Variants in PNKD observed in about 807,000 individuals in gnomAD.
PNKD encodes the protein PNKD metallo-beta-lactamase domain containing.
PNKD carries 36 observed loss-of-function variants against 45.3 expected under a neutral mutation model. That is an observed-to-expected ratio of 0.80 (90% CI 0.61 to 1.05). PNKD has a LOEUF of 1.05. Ranked by LOEUF, PNKD falls within the 50% of genes least tolerant of loss-of-function variation. PNKD has a pLI of 0.00. For synonymous variants in PNKD, 197 were observed against 210.1 expected, an observed-to-expected ratio of 0.94 and a Z score of 0.54; for missense variants, 511 against 506.6, an observed-to-expected ratio of 1.01 and a Z score of -0.08.
At chr2:218,339,117 A>G (rs1694592197) in intron 2 of PNKD, among the ~76,000 whole-genome samples, 1 of 151,904 alleles carries the variant, frequency 6.6e-6, no homozygotes, top group Admixed American at 6.6e-5. Flanking sequence ...ATTAGGATGC[A>G]TGCTAAAGTC....
intron 2 of PNKD, among the ~76,000 whole-genome samples, chr2:218,283,849 A>G (rs1692261260): frequency 6.6e-6 from 1 of 152,120 alleles, no homozygotes; most frequent in South Asian, 2.1e-4. Flanking sequence ...CTGGGATAGA[A>G]CCAGGGCAAG....
intron 2 of PNKD, chr2:218,281,997 G>A (rs200679829): frequency 1.2e-6 from 2 of 1,607,424 alleles, no homozygotes; most frequent in African/African-American, 2.7e-5. Flanking sequence ...CCAGCAGGGT[G>A]ACCGTAGCCA....
chr2:218,278,488 T>C, intron 2 of PNKD: 1 of 1,612,286 alleles, frequency 6.2e-7, no homozygotes, highest in Non-Finnish European at 8.5e-7. Context: ...GTCACCCCTC[T>C]CACTGTGTTA....
At chr2:218,278,098 G>A (rs1016858794) in intron 2 of PNKD, 3 of 1,109,860 alleles carry the variant, frequency 2.7e-6, no homozygotes, top group African/African-American at 3.1e-5. Context: ...CAAGGAGGGA[G>A]GTTGGCATGG....
chr2:218,280,138 T>C (rs1239148934), intron 2 of PNKD: 5 of 1,595,850 alleles, frequency 3.1e-6, no homozygotes, highest in Non-Finnish European at 3.4e-6. Context: ...TAGGGACAGA[T>C]GACACTTGAC....
At chr2:218,323,243 C>A in intron 2 of PNKD, 2 of 1,465,628 alleles carry the variant, frequency 1.4e-6, no homozygotes, top group South Asian at 1.3e-5. Flanking sequence ...GAGCCCCGCC[C>A]GGCCGGCGCG....
At chr2:218,344,316 G>A (rs906586911) in intron 8 of PNKD, 139 bp from the exon 9 acceptor site, 5 of 699,374 alleles carry the variant, frequency 7.1e-6, no homozygotes, top group African/African-American at 3.5e-5. Flanking sequence ...GCTCCTGGCA[G>A]TTGGGGTTTT....
At chr2:218,314,222 CTTTTT>C (rs386392656) in intron 2 of PNKD, among the ~76,000 whole-genome samples, 3 of 67,718 alleles carry the variant, frequency 4.4e-5, no homozygotes, top group African/African-American at 2.0e-4. Flanking sequence ...CGCGCCCTGG[CTTTTT>C]TTTTTTTTTT....
rs1690793466 is a variant in PNKD at position 218,270,644 on chromosome 2, C to T, written c.67+42C>T. On this transcript the variant is annotated intron_variant, in intron 1 of 9. Transcript: ENST00000273077. ...CGGGGAGGGCAGGACTGCAGAAGAT[C>T]CCTTTTCTTTCACGTCCAGCCCGAC... is the stretch of plus-strand genomic sequence containing the variant. 1.2e-5 allele frequency: 7 copies of T among 592,434 alleles called. No homozygotes were observed. In the Admixed American group the frequency reaches 2.9e-4, roughly 25 times the overall value. The allele number at this position is 592,434 out of a possible 1,614,324, so 36.7% of individuals were successfully genotyped here. A position where few individuals can be genotyped will look rare whatever the true frequency, so the allele number is the denominator to read the frequency against.
At chr2:218,333,107 C>T (rs1186811374) in intron 2 of PNKD, among the ~76,000 whole-genome samples, 1 of 152,210 alleles carries the variant, frequency 6.6e-6, no homozygotes, top group Non-Finnish European at 1.5e-5. Flanking sequence ...CTCTTTTCCA[C>T]CCCCAGCCAT....
chr2:218,340,594 C>A lies in PNKD; in HGVS notation c.466-134C>A. The stretch of plus-strand genomic sequence containing the variant: ...ACATTCCTGGATCTCTCCCCTCCAG[C>A]TCCATCCCTTTCCTCTGCTTCATCT... On this transcript the variant is annotated intron_variant, in intron 4 of 9. Transcript: ENST00000273077. The surrounding 1 kb of genome is among the most constrained non-coding windows in gnomAD (Gnocchi z 4.2). The A allele has an allele frequency of 1.3e-6, 1 of 748,526 alleles. No homozygotes were observed. The highest frequency in any genetic ancestry group is 2.4e-6 in the Non-Finnish European group (1 of 411,600). 46.4% of individuals were successfully genotyped at this position (748,526 alleles called of 1,614,324 possible).
In PNKD at chr2:218,323,477, G is replaced by T. The variant is rs1449674697; in HGVS notation, c.237-16306G>T. On this transcript the variant is annotated intron_variant, in intron 2 of 9. Coordinates refer to ENST00000273077, the MANE Select transcript of PNKD (RefSeq NM_015488.5). ...GCGTGCGGGCTCGGGAGGCGGGCGC[G>T]CTGGGAGAGGGGACTGGGAGGCGGG... 2.7e-6 allele frequency: 4 copies of T among 1,471,622 alleles called. No homozygotes were observed. In the African/African-American group the frequency reaches 4.4e-5, roughly 16 times the overall value. The allele number at this position is 1,471,622 out of a possible 1,614,324, so 91.2% of individuals were successfully genotyped here. A position where few individuals can be genotyped will look rare whatever the true frequency, so the allele number is the denominator to read the frequency against.
chr2:218,325,662 T>A, intron 2 of PNKD, among the ~76,000 whole-genome samples: 1 of 152,180 alleles, frequency 6.6e-6, no homozygotes, highest in East Asian at 1.9e-4. Flanking sequence ...AAATAGAAGT[T>A]TCCATAAGGA....
intron 2 of PNKD, chr2:218,287,162 T>A (rs1692588419): frequency 6.6e-6 from 1 of 152,052 alleles, no homozygotes; most frequent in South Asian, 2.1e-4. Flanking sequence ...GCCACAGGGA[T>A]CTAAACACTA....
In PNKD at chr2:218,340,962, CA is replaced by C; in HGVS notation, c.524+177del. On this transcript the variant is annotated intron_variant, in intron 5 of 9. Transcript: ENST00000273077. This position sits in a 1 kb window ranked among gnomAD's most constrained non-coding sequence, Gnocchi z 4.2. ...GGGAGGAGAGGGGACAGTCTCCCACCACTCCATTGATCAAGCTTCTGAAGCC... is the reference window on the plus strand; with the variant it reads ...GGGAGGAGAGGGGACAGTCTCCCACCCTCCATTGATCAAGCTTCTGAAGCC... 1.5e-6 allele frequency: 1 copy of C among 661,072 alleles called. No individual in the cohort carries two copies. The highest frequency in any genetic ancestry group is 2.7e-6 in the Non-Finnish European group (1 of 365,516). The allele number at this position is 661,072 out of a possible 1,614,324, so 41.0% of individuals were successfully genotyped here. A position where few individuals can be genotyped will look rare whatever the true frequency, so the allele number is the denominator to read the frequency against.
At chr2:218,297,859 G>A (rs1181489059) in intron 2 of PNKD, among the ~76,000 whole-genome samples, 3 of 151,322 alleles carry the variant, frequency 2.0e-5, no homozygotes, top group Non-Finnish European at 4.4e-5. Flanking sequence ...TTAGCTGGAC[G>A]TGATGGCAGG....
At chr2:218,290,768 T>C (rs1271374053) in intron 2 of PNKD, among the ~76,000 whole-genome samples, 1 of 152,202 alleles carries the variant, frequency 6.6e-6, no homozygotes, top group African/African-American at 2.4e-5. Context: ...TCATTTCTAC[T>C]TCAAAACAAG....
At chr2:218,291,643 A>G (rs1692934468) in intron 2 of PNKD, among the ~76,000 whole-genome samples, 2 of 152,074 alleles carry the variant, frequency 1.3e-5, no homozygotes, top group Admixed American at 1.3e-4. Flanking sequence ...TGCCGACCCC[A>G]CAAGGCCAGG....
intron 2 of PNKD, among the ~76,000 whole-genome samples, chr2:218,330,996 A>G (rs545407434): frequency 6.6e-6 from 1 of 152,226 alleles, no homozygotes; most frequent in African/African-American, 2.4e-5. Context: ...TAGGGGAGTG[A>G]GTTCCTGCTT....
Sources: gnomAD v4.1 joint callset for allele counts (sites outside exome capture counted in the v4.1 genomes callset) on GRCh38, gnomAD v4.1.1 for gene constraint, Gnocchi (gnomAD v3.1) non-coding constraint, MANE v1.5 for transcripts, NCBI Gene and HGNC (gene_info 2026-07-23, HGNC 2026-07-21) for gene names.